BRCA1: variants seen among roughly 807,000 people sequenced by gnomAD.
BRCA1 encodes the protein breast cancer type 1 susceptibility protein.
A neutral mutation model predicts 173.7 loss-of-function variants in BRCA1; 140 were observed. That is an observed-to-expected ratio of 0.81 (90% CI 0.70 to 0.93). The LOEUF is 0.93. BRCA1 is among the 40% of genes least tolerant of loss of function. BRCA1 has a pLI of 0.00. For synonymous variants in BRCA1, 662 were observed against 756.0 expected (o/e 0.88, Z 2.04); for missense variants, 1,983 against 2,172.5 (o/e 0.91, Z 1.73).
intron 5 of BRCA1, 149 bp from the exon 6 acceptor site, chr17:43,104,410 T>C (rs781256590): frequency 9.5e-6 from 9 of 945,674 alleles, no homozygotes; most frequent in Non-Finnish European, 1.2e-5. Context: ...AAAAATCAAA[T>C]TTTAAAAAAT....
intron 1 of BRCA1, among the ~76,000 whole-genome samples, chr17:43,145,948 A>G (rs2056118863): frequency 6.6e-6 from 1 of 152,194 alleles, no homozygotes; most frequent in South Asian, 2.1e-4. Context: ...TGAACATTTT[A>G]AATTACTTCC....
intron 18 of BRCA1, among the ~76,000 whole-genome samples, chr17:43,058,081 T>G (rs968860589): frequency 3.4e-5 from 5 of 148,112 alleles, no homozygotes; most frequent in African/African-American, 1.3e-4. Flanking sequence ...AGGCAGTAGC[T>G]GGGCACCAAT....
In BRCA1 at chr17:43,074,376, GC is replaced by G; in HGVS notation, c.4629del (p.Pro1544HisfsTer4). On this transcript the variant is annotated frameshift_variant, in exon 14 of 23. Transcript: ENST00000357654. LOFTEE classifies it high-confidence loss of function. ...DVEEQQLEES[G>X]PHDLTETSYL... ...TAAGATGTTTCCGTCAAATCGTGTG[GC>G]CCAGACTCTTCCAGCTGTTGCTCCT... 6.2e-7 allele frequency: 1 copy of G among 1,614,060 alleles called. No homozygotes were observed. Among genetic ancestry groups the G allele is most frequent in the Non-Finnish European group, 8.5e-7 (1 of 1,179,988 alleles).
In BRCA1 at chr17:43,091,881, G is replaced by C. The variant is rs398122676; in HGVS notation, c.3650C>G (p.Ser1217Cys). The C allele has an allele frequency of 2.5e-6, 4 of 1,614,166 alleles. No individual in the cohort carries two copies. The East Asian group carries it at 6.7e-5, about 27-fold the overall frequency. ...GCAGGGAAGCTCTTCATCCTCACTA[G>C]ATAAGTTCTCTTCTGAGGACTCTAA... ...KKLESSEENL[S>C]SEDEELPCFQ... Residue 1217 changes from serine (S) to cysteine (C), a missense_variant, in exon 10 of 23, where the codon TCT (serine) becomes TGT (cysteine). Coordinates refer to ENST00000357654, the MANE Select transcript of BRCA1 (RefSeq NM_007294.4).
upstream of BRCA1, among the ~76,000 whole-genome samples, chr17:43,130,361 C>T (rs1201202741): frequency 2.0e-5 from 3 of 152,092 alleles, no homozygotes; most frequent in South Asian, 2.1e-4. Flanking sequence ...ATCACCCAGG[C>T]GGGAGTGCAG....
Position 43,100,563 on chromosome 17 carries a change from TATATATATAAC to T in BRCA1, c.442-694_442-684del, listed in dbSNP as rs1185620059. Reference sequence around the variant, plus strand: ...ATATATATGTGTGTGTGTGTGTATATATATATATAACATATATATAACATATATATATTATA... The same window carrying T: ...ATATATATGTGTGTGTGTGTGTATATATATATATAACATATATATATTATA... On this transcript the variant is annotated intron_variant, in intron 6 of 22. Transcript: ENST00000357654. Among the ~76,000 whole-genome samples the T allele has an allele frequency of 3.5e-4, 35 of 99,838 alleles. 1 individual carries two copies. The highest frequency in any genetic ancestry group is 7.2e-4 in the South Asian group (2 of 2,782). 65.5% of individuals were successfully genotyped at this position (99,838 alleles called of 152,430 possible). A position where few individuals can be genotyped will look rare whatever the true frequency, so the allele number is the denominator to read the frequency against.
At chr17:43,157,154 A>G (rs989471530) in intron 1 of BRCA1, among the ~76,000 whole-genome samples, 3 of 152,254 alleles carry the variant, frequency 2.0e-5, no homozygotes, top group Non-Finnish European at 4.4e-5. Context: ...AGAACTACCA[A>G]TCGTCAGAAA....
chr17:43,077,460 A>G (rs2052788655), intron 12 of BRCA1, among the ~76,000 whole-genome samples: 1 of 151,868 alleles, frequency 6.6e-6, no homozygotes, highest in Non-Finnish European at 1.5e-5. Context: ...CCTTCCTAGT[A>G]GCTGACATTA....
At chr17:43,103,391 T>G (rs2054576065) in intron 6 of BRCA1, among the ~76,000 whole-genome samples, 1 of 147,748 alleles carries the variant, frequency 6.8e-6, no homozygotes. Context: ...CACTTGAACC[T>G]GGGAGGCGGA....
chr17:43,120,936 C>T (rs903754672), intron 2 of BRCA1, among the ~76,000 whole-genome samples: 3 of 151,742 alleles, frequency 2.0e-5, no homozygotes, highest in Admixed American at 6.6e-5. Flanking sequence ...CGGTGGCGTG[C>T]GCCTATAATC....
chr17:43,126,880 G>A (rs1345734516), upstream of BRCA1, among the ~76,000 whole-genome samples: 1 of 152,180 alleles, frequency 6.6e-6, no homozygotes, highest in Non-Finnish European at 1.5e-5. Context: ...CGCAGCGCTC[G>A]CCAGCCAGCG....
chr17:43,147,073 C>T (rs1039150665), intron 1 of BRCA1, among the ~76,000 whole-genome samples: 35 of 152,218 alleles, frequency 2.3e-4, no homozygotes, highest in African/African-American at 7.9e-4. Flanking sequence ...GGCGTGATCT[C>T]GGCTCACCGC....
chr17:43,126,625 G>T (rs749784891), upstream of BRCA1, among the ~76,000 whole-genome samples: 3 of 152,218 alleles, frequency 2.0e-5, no homozygotes, highest in African/African-American at 7.2e-5. Flanking sequence ...GGGACCGAGT[G>T]GGCGAAAAGC....
At chr17:43,109,611 A>G (rs943152546) in intron 3 of BRCA1, among the ~76,000 whole-genome samples, 1 of 152,180 alleles carries the variant, frequency 6.6e-6, no homozygotes, top group Non-Finnish European at 1.5e-5. Context: ...TCCACTGTAC[A>G]TAAGTACCTT....
chr17:43,051,168 T>C (rs957547480), intron 19 of BRCA1, 51 bp from the exon 20 acceptor site: 2 of 1,519,818 alleles, frequency 1.3e-6, no homozygotes, highest in Non-Finnish European at 1.8e-6. Context: ...AGAAGGAAAA[T>C]CTAGTTATAA....
upstream of BRCA1, among the ~76,000 whole-genome samples, chr17:43,128,187 C>T (rs1239718540): frequency 2.0e-5 from 3 of 152,242 alleles, no homozygotes; most frequent in South Asian, 6.2e-4. Context: ...CTGCTGGTAA[C>T]ACCGACCGCA....
chr17:43,067,212 CTA>C (rs2052122610), intron 16 of BRCA1: 1 of 203,906 alleles, frequency 4.9e-6, no homozygotes, highest in African/African-American at 2.4e-5. Context: ...TATTAGAAGA[CTA>C]TCATCCATGC....
chr17:43,129,135 A>G (rs770234917), upstream of BRCA1, among the ~76,000 whole-genome samples: 3 of 152,242 alleles, frequency 2.0e-5, no homozygotes, highest in Non-Finnish European at 4.4e-5. Flanking sequence ...CTTAACAATA[A>G]TGTCAATTAT....
At chr17:43,138,990 A>G (rs1409496416) in intron 1 of BRCA1, 14 of 777,638 alleles carry the variant, frequency 1.8e-5, no homozygotes, top group Non-Finnish European at 3.1e-5. Context: ...AGCCCCTCCA[A>G]TGAAAAGCAC....
Sources: allele counts gnomAD v4.1 joint callset (sites outside exome capture counted in the v4.1 genomes callset), GRCh38; gene constraint gnomAD v4.1.1; transcripts MANE v1.5; gene names NCBI Gene and HGNC (gene_info 2026-07-23, HGNC 2026-07-21).